FMNL2: variants seen among roughly 807,000 people sequenced by gnomAD.
FMNL2 encodes formin-like protein 2.
Under a neutral mutation model 130.2 loss-of-function variants are expected in FMNL2, and 51 were observed. The observed-to-expected ratio is 0.39, with a 90% CI of 0.31 to 0.49. The LOEUF (loss-of-function observed/expected upper bound fraction) is 0.49. Among genes scored for constraint, FMNL2 ranks in the 20% least tolerant of loss-of-function variants. The pLI is 0.85. For missense variants in FMNL2, 977 were observed against 1,316.2 expected (o/e 0.74, Z 3.99); for synonymous variants, 465 against 467.1 (o/e 1.00, Z 0.06).
At chr2:152,394,252 A>G (rs1308033176) in intron 1 of FMNL2, among the ~76,000 whole-genome samples, 5 of 152,150 alleles carry the variant, frequency 3.3e-5, no homozygotes, top group Non-Finnish European at 5.9e-5. Context: ...AGCTTCGGAG[A>G]CAATGTTTTT....
intron 17 of FMNL2, among the ~76,000 whole-genome samples, chr2:152,627,416 A>G (rs1346413897): frequency 6.6e-6 from 1 of 152,216 alleles, no homozygotes; most frequent in East Asian, 1.9e-4. Flanking sequence ...TAAATGTTTT[A>G]GGAACTAATT....
At chr2:152,340,956 C>T (rs1001479651) in intron 1 of FMNL2, among the ~76,000 whole-genome samples, 1 of 152,174 alleles carries the variant, frequency 6.6e-6, no homozygotes, top group Non-Finnish European at 1.5e-5. Context: ...TCCCAGAGTG[C>T]TGGGATTACA....
chr2:152,554,199 G>A (rs141362707), intron 4 of FMNL2, among the ~76,000 whole-genome samples: 322 of 152,280 alleles, frequency 2.1e-3, no homozygotes, highest in Middle Eastern at 0.014. Context: ...TTGAGCCTGG[G>A]AGTTTGAGAC....
chr2:152,565,393 G>T (rs1695779524), intron 6 of FMNL2, among the ~76,000 whole-genome samples: 2 of 152,124 alleles, frequency 1.3e-5, no homozygotes, highest in African/African-American at 4.8e-5. Flanking sequence ...CCTATATAAA[G>T]ATCAGGTGTG....
At position 152,427,729 on chromosome 2, in the gene FMNL2, AT is replaced by A. The variant is rs553313435; in HGVS notation, c.117+92010del. Among the ~76,000 whole-genome samples, 120 of 152,288 alleles carry A rather than the reference AT, an allele frequency of 7.9e-4. 2 individuals are homozygous for A. The highest frequency in any genetic ancestry group is 6.8e-3 in the Admixed American group (104 of 15,294). ...ACTTCCTCCTCTTCATGTAAATTCT[AT>A]CCCCCAGTATTAACGTTTGAGATAA... On this transcript the variant is annotated intron_variant, in intron 1 of 25. Coordinates refer to ENST00000288670, the MANE Select transcript of FMNL2 (RefSeq NM_052905.4).
intron 1 of FMNL2, among the ~76,000 whole-genome samples, chr2:152,346,608 G>A (rs1203494851): frequency 6.6e-6 from 1 of 152,150 alleles, no homozygotes; most frequent in Admixed American, 6.5e-5. Context: ...GAAGTGAGCT[G>A]TAATCATGCC....
rs1694742323 is a variant in FMNL2, at chr2:152,548,062, A to G, written c.283-959A>G. On this transcript the variant is annotated intron_variant, in intron 3 of 25. Coordinates refer to ENST00000288670, the MANE Select transcript of FMNL2 (RefSeq NM_052905.4). ...CTATCAGAGGTGGATTCAGTGAAGA[A>G]AGAAGCCCCGAGGGATTCCTGGAAG... Among the ~76,000 whole-genome samples, 4 of 152,192 alleles carry G rather than the reference A, an allele frequency of 2.6e-5. No homozygotes were observed. The East Asian group carries it at 7.7e-4, about 29-fold the overall frequency.
At chr2:152,404,666 G>GGTGGCA (rs1296067476) in intron 1 of FMNL2, among the ~76,000 whole-genome samples, 1 of 152,102 alleles carries the variant, frequency 6.6e-6, no homozygotes, top group African/African-American at 2.4e-5. Flanking sequence ...TGGTGGTGGC[G>GGTGGCA]GTGGCAGTGG....
intron 11 of FMNL2, among the ~76,000 whole-genome samples, chr2:152,611,955 C>T (rs1698706352): frequency 1.3e-5 from 2 of 152,074 alleles, no homozygotes; most frequent in African/African-American, 2.4e-5. Context: ...TTGGTTACTC[C>T]GGGGACCCCA....
intron 1 of FMNL2, among the ~76,000 whole-genome samples, chr2:152,403,210 G>C (rs1472328822): frequency 6.9e-6 from 1 of 144,980 alleles, no homozygotes; most frequent in Non-Finnish European, 1.5e-5. Flanking sequence ...CCAAGTTTCT[G>C]TACTGTAAAC....
chr2:152,438,519 A>C (rs985081225), intron 1 of FMNL2, among the ~76,000 whole-genome samples: 1 of 152,230 alleles, frequency 6.6e-6, no homozygotes, highest in Admixed American at 6.5e-5. Flanking sequence ...AAGGAGACTG[A>C]AATATAGGTG....
rs147758487 is a variant in FMNL2, at chr2:152,575,783, G to C, written c.705+539G>C. 3.0e-3 allele frequency among the ~76,000 whole-genome samples: 463 copies of C among 152,202 alleles called. 1 individual carries two copies. The highest frequency in any genetic ancestry group is 0.011 in the African/African-American group (448 of 41,538). On this transcript the variant is annotated intron_variant, in intron 7 of 25. Transcript: ENST00000288670. Reference sequence around the variant, plus strand: ...TGGATAGAGACAGTGGTTCTCAAAGGGTTATATGGCAAACAGGCAAAAAGT... The same window carrying C: ...TGGATAGAGACAGTGGTTCTCAAAGCGTTATATGGCAAACAGGCAAAAAGT...
At chr2:152,622,448 A>G (rs1681409379) in intron 15 of FMNL2, 1 of 456,588 alleles carries the variant, frequency 2.2e-6, no homozygotes, top group Non-Finnish European at 4.4e-6. Flanking sequence ...ATGAAATTCT[A>G]TGCTGAGTGC....
At chr2:152,543,499 A>C (rs868372134) in intron 3 of FMNL2, among the ~76,000 whole-genome samples, 63 of 152,134 alleles carry the variant, frequency 4.1e-4, no homozygotes, top group African/African-American at 1.3e-3. Context: ...GGGGTGCTTT[A>C]CCAGATAGCA....
intron 25 of FMNL2, chr2:152,645,501 A>T: frequency 7.8e-7 from 1 of 1,290,148 alleles, no homozygotes; most frequent in South Asian, 1.2e-5. Context: ...CTTCTAGCAC[A>T]CCGGTGGTGG....
chr2:152,411,552 C>T (rs1427706608), intron 1 of FMNL2, among the ~76,000 whole-genome samples: 1 of 152,158 alleles, frequency 6.6e-6, no homozygotes, highest in East Asian at 1.9e-4. Flanking sequence ...GAAAGTTAAC[C>T]CACTTTGGGC....
At chr2:152,533,121 T>C (rs1693799133) in intron 2 of FMNL2, among the ~76,000 whole-genome samples, 1 of 152,228 alleles carries the variant, frequency 6.6e-6, no homozygotes, top group Non-Finnish European at 1.5e-5. Flanking sequence ...TTGCATTTTG[T>C]TTCCTAAGAA....
intron 1 of FMNL2, among the ~76,000 whole-genome samples, chr2:152,494,671 G>T (rs1691401475): frequency 6.6e-6 from 1 of 152,154 alleles, no homozygotes; most frequent in African/African-American, 2.4e-5. Flanking sequence ...TGGTGAATTG[G>T]TTTTTATCCT....
At chr2:152,432,136 A>C (rs938215289) in intron 1 of FMNL2, among the ~76,000 whole-genome samples, 1 of 151,944 alleles carries the variant, frequency 6.6e-6, no homozygotes, top group South Asian at 2.1e-4. Flanking sequence ...GCTAATATCT[A>C]TGTAAAAGAA....
Sources: gnomAD v4.1 joint callset for allele counts (sites outside exome capture counted in the v4.1 genomes callset) on GRCh38, gnomAD v4.1.1 for gene constraint, MANE v1.5 for transcripts, NCBI Gene and HGNC (gene_info 2026-07-23, HGNC 2026-07-21) for gene names.